The following TIAM2 variants were observed in gnomAD, a reference collection of about 807,000 sequenced individuals.
TIAM2 encodes rho guanine nucleotide exchange factor TIAM2.
Under a neutral mutation model 152.9 loss-of-function variants are expected in TIAM2, and 80 were observed. The observed-to-expected ratio is 0.52, with a 90% CI of 0.44 to 0.63. TIAM2 has a LOEUF of 0.63. TIAM2 is among the 30% of genes least tolerant of loss of function. The pLI is 0.00. For missense variants in TIAM2, 1,965 were observed against 2,120.1 expected, an observed-to-expected ratio of 0.93 and a Z score of 1.44; for synonymous variants, 804 against 838.0, an observed-to-expected ratio of 0.96 and a Z score of 0.70.
At chr6:155,239,719 C>T (rs1171603466) in intron 15 of TIAM2, among the ~76,000 whole-genome samples, 1 of 152,186 alleles carries the variant, frequency 6.6e-6, no homozygotes, top group Non-Finnish European at 1.5e-5. Context: ...GCGAGTATTT[C>T]CTCTGAGCCC....
intron 7 of TIAM2, among the ~76,000 whole-genome samples, chr6:155,157,145 C>T (rs1419791643): frequency 6.6e-6 from 1 of 152,182 alleles, no homozygotes; most frequent in Non-Finnish European, 1.5e-5. Flanking sequence ...GTGGAAGCAC[C>T]TCTGTCTCGT....
In TIAM2 at chr6:155,170,668, T is replaced by G. The variant is rs997541868; in HGVS notation, c.2361+5259T>G. On this transcript the variant is annotated intron_variant, in intron 9 of 26. Transcript: ENST00000682666. ...TATTAACAGAGTTTATGTTGGACTT[T>G]GAAAATAAATTTTGCTGATGTAGCC... Among the ~76,000 whole-genome samples, 8 of 152,224 alleles carry G rather than the reference T, an allele frequency of 5.3e-5. 1 individual carries two copies. Among genetic ancestry groups the G allele is most frequent in the African/African-American group, 1.9e-4 (8 of 41,456 alleles).
intron 15 of TIAM2, chr6:155,216,960 T>C: frequency 8.2e-7 from 1 of 1,224,174 alleles, no homozygotes; most frequent in South Asian, 1.4e-5. Flanking sequence ...GTTTGGGATT[T>C]TTTTCATTGC....
chr6:155,002,864 T>TG (rs1491108720), intron 1 of TIAM2, among the ~76,000 whole-genome samples: 34 of 79,142 alleles, frequency 4.3e-4, no homozygotes, highest in Admixed American at 2.2e-3. Context: ...TGTGTGTGTG[T>TG]TTTTTTTTTA....
intron 15 of TIAM2, among the ~76,000 whole-genome samples, chr6:155,232,278 T>TC (rs777176951): frequency 1.3e-5 from 2 of 150,654 alleles, no homozygotes; most frequent in African/African-American, 4.9e-5. Flanking sequence ...GTTTTTTTTT[T>TC]CCCGTTTTCC....
Position 155,183,230 on chromosome 6 carries a change from T to C in TIAM2, c.2801-7T>C. ...TCTTTTTTCTGTTTCTCCTTCCTTTTTCTCAGGGCTGAGAAAGGGCAATGA... is the reference window on the plus strand; with the variant it reads ...TCTTTTTTCTGTTTCTCCTTCCTTTCTCTCAGGGCTGAGAAAGGGCAATGA... On this transcript the variant is annotated splice_polypyrimidine_tract_variant and splice_region_variant and intron_variant, in intron 13 of 26. Transcript: ENST00000682666. The C allele has an allele frequency of 6.2e-7, 1 of 1,605,354 alleles. No individual in the cohort carries two copies. The highest frequency in any genetic ancestry group is 8.5e-7 in the Non-Finnish European group (1 of 1,175,492).
At chr6:155,009,969 C>T (rs1178301782) in intron 1 of TIAM2, among the ~76,000 whole-genome samples, 1 of 152,056 alleles carries the variant, frequency 6.6e-6, no homozygotes, top group Non-Finnish European at 1.5e-5. Context: ...TCTCGTGTCT[C>T]GGTCTCCTGA....
At chr6:155,032,333 G>T (rs558025386) in intron 1 of TIAM2, among the ~76,000 whole-genome samples, 1 of 152,136 alleles carries the variant, frequency 6.6e-6, no homozygotes, top group African/African-American at 2.4e-5. Flanking sequence ...CGCAACGCTC[G>T]GTGGACCTAC....
chr6:155,192,639 C>CA (rs74340822), intron 14 of TIAM2, among the ~76,000 whole-genome samples: 201 of 144,140 alleles, frequency 1.4e-3, no homozygotes, highest in South Asian at 4.2e-3. Flanking sequence ...CTCCTCAAAC[C>CA]AAAAAAAAAA....
chr6:155,223,625 A>C (rs1404339608), intron 15 of TIAM2, among the ~76,000 whole-genome samples: 1 of 150,800 alleles, frequency 6.6e-6, no homozygotes, highest in African/African-American at 2.4e-5. Flanking sequence ...TGGCATTTTG[A>C]AAGTTTTATT....
intron 14 of TIAM2, among the ~76,000 whole-genome samples, chr6:155,184,487 A>T (rs144378215): frequency 1.3e-5 from 2 of 152,316 alleles, no homozygotes; most frequent in East Asian, 3.9e-4. Flanking sequence ...CTCGGCTAGT[A>T]CTGAAAACCA....
chr6:155,038,339 A>G (rs1776960059), intron 1 of TIAM2, among the ~76,000 whole-genome samples: 1 of 152,182 alleles, frequency 6.6e-6, no homozygotes, highest in African/African-American at 2.4e-5. Flanking sequence ...GCCTGGGGTT[A>G]GAGAGACTGG....
intron 2 of TIAM2, among the ~76,000 whole-genome samples, chr6:155,105,105 C>A: frequency 6.6e-6 from 1 of 151,906 alleles, no homozygotes; most frequent in East Asian, 1.9e-4. Context: ...TACTGGCATG[C>A]ACTACCACAC....
chr6:155,226,233 A>G (rs897179411), intron 15 of TIAM2, among the ~76,000 whole-genome samples: 2 of 152,240 alleles, frequency 1.3e-5, no homozygotes, highest in African/African-American at 4.8e-5. Flanking sequence ...AGCAGCCATC[A>G]GTAGAAGTAA....
At chr6:155,030,168 A>G (rs533531470) in intron 1 of TIAM2, among the ~76,000 whole-genome samples, 1 of 152,230 alleles carries the variant, frequency 6.6e-6, no homozygotes, top group Admixed American at 6.5e-5. Context: ...CCTTATGATA[A>G]CTTTCTGAAA....
At chr6:155,206,339 C>T (rs1781593999) in intron 14 of TIAM2, among the ~76,000 whole-genome samples, 1 of 152,172 alleles carries the variant, frequency 6.6e-6, no homozygotes, top group African/African-American at 2.4e-5. Flanking sequence ...CCTCCACCTC[C>T]CGGGTTCAAG....
chr6:155,175,582 A>G (rs887102711), intron 9 of TIAM2, among the ~76,000 whole-genome samples: 1 of 152,226 alleles, frequency 6.6e-6, no homozygotes, highest in Admixed American at 6.5e-5. Flanking sequence ...CCTCTTTTAC[A>G]AAACAGGAGC....
Position 155,244,782 on chromosome 6 carries a change from G to C in TIAM2, c.3542G>C (p.Arg1181Thr). ...FNTLETPSQF[R>T]KLLFSLGGSF... is the part of the protein sequence containing the mutation. ...ACCCTAGAAACCCCCTCACAGTTTA[G>C]AGTAAGTATCTCAGATTTAGGCTTA... is the stretch of plus-strand genomic sequence containing the variant. Residue 1181 changes from arginine (R) to threonine (T), a missense_variant and splice_region_variant, in exon 18 of 27, where the codon AGA becomes ACA. Arg to Thr is a moderately conservative substitution (Grantham distance 71). Coordinates refer to ENST00000682666, the MANE Select transcript of TIAM2 (RefSeq NM_012454.4). 6.2e-7 allele frequency: 1 copy of C among 1,606,898 alleles called. No individual in the cohort carries two copies. Among genetic ancestry groups the C allele is most frequent in the African/African-American group, 1.3e-5 (1 of 74,796 alleles).
intron 2 of TIAM2, among the ~76,000 whole-genome samples, chr6:155,093,132 T>C (rs541366088): frequency 6.6e-6 from 1 of 152,354 alleles, no homozygotes; most frequent in African/African-American, 2.4e-5. Flanking sequence ...TTTCCAGTTG[T>C]GCTTGTTTTG....
Sources: allele counts gnomAD v4.1 joint callset (sites outside exome capture counted in the v4.1 genomes callset), GRCh38; gene constraint gnomAD v4.1.1; transcripts MANE v1.5; gene names NCBI Gene and HGNC (gene_info 2026-07-23, HGNC 2026-07-21).